CYRIB: variants seen among roughly 807,000 people sequenced by gnomAD.
CYRIB encodes CYFIP-related Rac1 interactor B.
A neutral mutation model predicts 44.2 loss-of-function variants in CYRIB; 8 were observed. The ratio of observed to expected loss-of-function variants is 0.18; its 90% CI spans 0.11 to 0.33. The LOEUF (loss-of-function observed/expected upper bound fraction) is 0.33. Ranked by LOEUF, CYRIB falls within the 10% of genes least tolerant of loss-of-function variation. The probability of loss-of-function intolerance (pLI) is 1.00; values close to 1 mark genes in which losing one functional copy is unlikely to be tolerated. For missense variants in CYRIB, 185 were observed against 382.8 expected (o/e 0.48, Z 4.31); for synonymous variants, 131 against 127.2 (o/e 1.03, Z -0.20).
At chr8:129,957,296 C>T (rs930621274) in intron 2 of CYRIB, among the ~76,000 whole-genome samples, 17 of 152,154 alleles carry the variant, frequency 1.1e-4, no homozygotes, top group Non-Finnish European at 1.9e-4. Context: ...TGTGGACAGA[C>T]TTAGGGGAAA....
intron 1 of CYRIB, among the ~76,000 whole-genome samples, chr8:130,007,644 C>T (rs574418642): frequency 5.9e-5 from 9 of 152,152 alleles, no homozygotes; most frequent in African/African-American, 1.9e-4. Flanking sequence ...ATTAGCTGGG[C>T]GTGGTGGCAC....
At chr8:129,873,213 C>G (rs188538748) in intron 3 of CYRIB, among the ~76,000 whole-genome samples, 2 of 151,926 alleles carry the variant, frequency 1.3e-5, no homozygotes, top group Non-Finnish European at 3.0e-5. Flanking sequence ...GAGGAAAATA[C>G]TGTGACAAAA....
chr8:129,987,389 C>T lies in CYRIB; in HGVS notation c.-295-16394G>A, dbSNP rs117494917. Among the ~76,000 whole-genome samples the T allele has an allele frequency of 2.9e-3, 437 of 152,142 alleles. 3 individuals carry two copies. Among genetic ancestry groups the T allele is most frequent in the Admixed American group, 0.02 (303 of 15,266 alleles). On this transcript the variant is annotated intron_variant, in intron 1 of 14. Coordinates refer to the CYRIB transcript ENST00000401979. ...GTTGCTACTAGGTCCCACTTCCTAC[C>T]CTGGCTACCATTTCGGGTCTGACTG...
chr8:129,864,699 A>G lies in CYRIB; in HGVS notation c.196-2365T>C, dbSNP rs923529801. The G allele has an allele frequency of 1.4e-5, 4 of 292,860 alleles. No individual in the cohort carries two copies. In the East Asian group the frequency reaches 3.8e-4, roughly 28 times the overall value. The allele number at this position is 292,860 out of a possible 1,614,324, so 18.1% of individuals were successfully genotyped here. ...TGCCCAGTTCCTAAGGGTGCAATGT[A>G]TGGGTAGCCTGTCCTTTATGGTGGT... On this transcript the variant is annotated intron_variant, in intron 4 of 11. Coordinates refer to ENST00000519824, the Ensembl canonical transcript of CYRIB.
intron 1 of CYRIB, among the ~76,000 whole-genome samples, chr8:129,923,199 C>T (rs934862107): frequency 4.8e-5 from 7 of 146,004 alleles, no homozygotes; most frequent in Non-Finnish European, 7.5e-5. Flanking sequence ...GCCGATATCG[C>T]GCCATTGCAC....
At chr8:129,898,796 G>A (rs2069714590) in intron 2 of CYRIB, among the ~76,000 whole-genome samples, 1 of 152,070 alleles carries the variant, frequency 6.6e-6, no homozygotes, top group Non-Finnish European at 1.5e-5. Flanking sequence ...GAGTCCAGCA[G>A]AGGTCATTCA....
At chr8:129,921,849 G>A (rs1163054811) in intron 1 of CYRIB, among the ~76,000 whole-genome samples, 2 of 152,132 alleles carry the variant, frequency 1.3e-5, no homozygotes, top group Non-Finnish European at 1.5e-5. Context: ...AGGAGCAGGT[G>A]TGAAGATTAA....
intron 1 of CYRIB, among the ~76,000 whole-genome samples, chr8:129,981,851 G>C (rs566806157): frequency 2.0e-5 from 3 of 152,296 alleles, no homozygotes; most frequent in East Asian, 1.9e-4. Flanking sequence ...CTGCTGTCCA[G>C]ACAGGTGCCC....
At chr8:129,906,950 A>T (rs529832604) in intron 1 of CYRIB, among the ~76,000 whole-genome samples, 3 of 152,324 alleles carry the variant, frequency 2.0e-5, no homozygotes, top group Non-Finnish European at 4.4e-5. Context: ...TCAGGAAACG[A>T]CAGGTGCTGG....
chr8:129,869,787 G>T (rs2133114318), intron 4 of CYRIB, among the ~76,000 whole-genome samples: 1 of 152,202 alleles, frequency 6.6e-6, no homozygotes, highest in African/African-American at 2.4e-5. Context: ...CAATGTACTA[G>T]GTGCTGATAA....
intron 4 of CYRIB, among the ~76,000 whole-genome samples, chr8:129,869,296 T>C (rs1218394143): frequency 6.7e-6 from 1 of 150,088 alleles, no homozygotes; most frequent in African/African-American, 2.5e-5. Flanking sequence ...TGAGGCAGAA[T>C]TGCTTGAACC....
At chr8:129,899,238 C>T (rs1339919992) in intron 2 of CYRIB, among the ~76,000 whole-genome samples, 1 of 152,000 alleles carries the variant, frequency 6.6e-6, no homozygotes, top group Admixed American at 6.6e-5. Context: ...AAAGAGATCC[C>T]CCTCAGTAAA....
At chr8:129,977,043 T>C (rs1451777370) in intron 1 of CYRIB, among the ~76,000 whole-genome samples, 3 of 152,184 alleles carry the variant, frequency 2.0e-5, no homozygotes, top group African/African-American at 7.2e-5. Context: ...GGTTTCACCA[T>C]GTTGGCCAGG....
chr8:129,862,790 A>G (rs1175921176), intron 4 of CYRIB, among the ~76,000 whole-genome samples: 1 of 152,108 alleles, frequency 6.6e-6, no homozygotes, highest in Non-Finnish European at 1.5e-5. Flanking sequence ...AATATTCTAT[A>G]TTGAGTGCTA....
At chr8:129,976,672 C>G (rs1048966501) in intron 1 of CYRIB, among the ~76,000 whole-genome samples, 100 of 152,240 alleles carry the variant, frequency 6.6e-4, no homozygotes, top group Non-Finnish European at 1.1e-3. Context: ...CAATTTCTCC[C>G]TACGGCTGCC....
intron 1 of CYRIB, among the ~76,000 whole-genome samples, chr8:130,001,773 C>T (rs2096914725): frequency 6.6e-6 from 1 of 152,064 alleles, no homozygotes; most frequent in Non-Finnish European, 1.5e-5. Context: ...AGCCACTGCA[C>T]CCGGCCCTGA....
chr8:129,909,921 G>T (rs150639945), intron 1 of CYRIB, among the ~76,000 whole-genome samples: 3 of 152,278 alleles, frequency 2.0e-5, no homozygotes, highest in African/African-American at 4.8e-5. Flanking sequence ...AGGCACCCTT[G>T]CCCCAAATTT....
chr8:129,913,145 G>T (rs1247373736), intron 1 of CYRIB, among the ~76,000 whole-genome samples: 1 of 151,728 alleles, frequency 6.6e-6, no homozygotes, highest in African/African-American at 2.4e-5. Flanking sequence ...CTAATTTTTT[G>T]TATTTTTAGT....
intron 2 of CYRIB, among the ~76,000 whole-genome samples, chr8:129,881,114 C>T (rs1484414028): frequency 6.6e-6 from 1 of 152,192 alleles, no homozygotes; most frequent in African/African-American, 2.4e-5. Context: ...GCAATTATCA[C>T]AACTTAGTAG....
Sources: allele counts gnomAD v4.1 joint callset (sites outside exome capture counted in the v4.1 genomes callset), GRCh38; gene constraint gnomAD v4.1.1; transcripts MANE v1.5; gene names NCBI Gene and HGNC (gene_info 2026-07-23, HGNC 2026-07-21).